Variants in CABLES1 observed in about 807,000 individuals in gnomAD.
CABLES1 encodes the protein Cdk5 and Abl enzyme substrate 1, also known as CDK5 and ABL1 enzyme substrate 1.
CABLES1 carries 36 observed loss-of-function variants against 57.8 expected under a neutral mutation model. The ratio of observed to expected loss-of-function variants is 0.62; its 90% CI spans 0.48 to 0.82. The LOEUF is 0.82. CABLES1 is among the 40% of genes least tolerant of loss of function. The pLI is 0.00. For synonymous variants in CABLES1, 374 were observed against 363.0 expected, an observed-to-expected ratio of 1.03 and a Z score of -0.35; for missense variants, 767 against 836.6, an observed-to-expected ratio of 0.92 and a Z score of 1.03.
chr18:23,187,049 CCT>C (rs1391485998), intron 1 of CABLES1, among the ~76,000 whole-genome samples: 1 of 152,178 alleles, frequency 6.6e-6, no homozygotes, highest in Non-Finnish European at 1.5e-5. Flanking sequence ...AGCTCTGTCC[CCT>C]GAGTTACGGG....
intron 3 of CABLES1, among the ~76,000 whole-genome samples, chr18:23,196,490 G>A (rs527256715): frequency 7.7e-4 from 118 of 152,312 alleles, no homozygotes; most frequent in Middle Eastern, 3.4e-3. Flanking sequence ...AAGAAAATAC[G>A]ATTTCTGAGG....
At chr18:23,147,737 A>G (rs1335767623) in intron 1 of CABLES1, among the ~76,000 whole-genome samples, 1 of 152,184 alleles carries the variant, frequency 6.6e-6, no homozygotes, top group East Asian at 1.9e-4. Context: ...GGTAGGGGGA[A>G]TTCACATGTT....
At chr18:23,250,855 G>A (rs906698592) in intron 7 of CABLES1, among the ~76,000 whole-genome samples, 3 of 152,262 alleles carry the variant, frequency 2.0e-5, no homozygotes, top group Non-Finnish European at 4.4e-5. Flanking sequence ...AATTGTTGGA[G>A]TTAATATTGC....
At chr18:23,248,786 T>C (rs377331121) in intron 7 of CABLES1, among the ~76,000 whole-genome samples, 19 of 152,170 alleles carry the variant, frequency 1.2e-4, no homozygotes, top group African/African-American at 4.6e-4. Flanking sequence ...GATCACACCA[T>C]TGCACTCCAG....
At position 23,135,853 on chromosome 18, in the gene CABLES1, C is replaced by A. The variant is rs914104400; in HGVS notation, c.91C>A (p.Pro31Thr). The change falls in exon 1 of 10, where the codon CCG (proline) becomes ACG (threonine). Residue 31 changes from proline (P) to threonine (T), a missense_variant. Physicochemically the swap from Pro to Thr is conservative, Grantham distance 38. Coordinates refer to ENST00000256925, the MANE Select transcript of CABLES1 (RefSeq NM_001100619.3). ...DAAGASGLQQ[P>T]PPQPQPQPAA... ...CGCGGGCGCCAGCGGATTGCAGCAGCCGCCGCCGCAGCCCCAGCCTCAGCC... is the reference window on the plus strand; with the variant it reads ...CGCGGGCGCCAGCGGATTGCAGCAGACGCCGCCGCAGCCCCAGCCTCAGCC... 69 of 988,992 alleles carry A rather than the reference C, an allele frequency of 7.0e-5. No individual in the cohort carries two copies. Among genetic ancestry groups the A allele is most frequent in the Non-Finnish European group, 8.2e-5 (68 of 829,622 alleles). The allele number at this position is 988,992 out of a possible 1,614,324, so 61.3% of individuals were successfully genotyped here.
intron 3 of CABLES1, chr18:23,197,609 A>AT (rs1009334928): frequency 2.0e-5 from 3 of 152,234 alleles, no homozygotes; most frequent in Admixed American, 1.3e-4. Context: ...AGCGGAGGGA[A>AT]TGTCAGTACC....
At chr18:23,199,817 T>G (rs976316049) in intron 3 of CABLES1, among the ~76,000 whole-genome samples, 2 of 152,210 alleles carry the variant, frequency 1.3e-5, no homozygotes, top group Non-Finnish European at 2.9e-5. Context: ...GCACACTGAT[T>G]AGATGGCATT....
intron 1 of CABLES1, among the ~76,000 whole-genome samples, chr18:23,149,387 C>T (rs2046912544): frequency 6.6e-6 from 1 of 152,064 alleles, no homozygotes; most frequent in South Asian, 2.1e-4. Flanking sequence ...GCTTGAGCCA[C>T]CTTCCCACCT....
At chr18:23,182,123 C>T (rs1042732502) in intron 1 of CABLES1, among the ~76,000 whole-genome samples, 1 of 152,192 alleles carries the variant, frequency 6.6e-6, no homozygotes, top group Non-Finnish European at 1.5e-5. Context: ...TTACCCAAGT[C>T]GTTTTCTGCT....
intron 3 of CABLES1, among the ~76,000 whole-genome samples, chr18:23,209,726 C>T (rs1047967460): frequency 3.3e-5 from 5 of 152,160 alleles, no homozygotes; most frequent in African/African-American, 9.7e-5. Flanking sequence ...AACAGAGACT[C>T]CCCAGGTGGC....
intron 7 of CABLES1, among the ~76,000 whole-genome samples, chr18:23,242,835 C>T (rs1261212177): frequency 1.3e-5 from 2 of 152,070 alleles, no homozygotes; most frequent in Non-Finnish European, 2.9e-5. Flanking sequence ...AGAAAGCCCT[C>T]CCTCTACCCC....
intron 3 of CABLES1, among the ~76,000 whole-genome samples, chr18:23,208,775 G>A (rs879467089): frequency 6.0e-4 from 92 of 152,324 alleles, no homozygotes; most frequent in African/African-American, 2.0e-3. Context: ...GACTGGAAGC[G>A]CGGGGGCCAT....
chr18:23,223,605 C>T (rs918999118), intron 4 of CABLES1, among the ~76,000 whole-genome samples: 2 of 146,602 alleles, frequency 1.4e-5, no homozygotes, highest in African/African-American at 5.0e-5. Context: ...AAAAAGTTGG[C>T]GGGGGGGCAT....
intron 7 of CABLES1, among the ~76,000 whole-genome samples, chr18:23,248,280 C>T (rs987969425): frequency 6.6e-5 from 10 of 152,210 alleles, no homozygotes; most frequent in African/African-American, 2.2e-4. Context: ...TCCCCGCCTT[C>T]ACCGAGCCAG....
intron 1 of CABLES1, among the ~76,000 whole-genome samples, chr18:23,152,116 C>A (rs1018603442): frequency 5.3e-5 from 8 of 152,056 alleles, no homozygotes; most frequent in African/African-American, 1.9e-4. Context: ...AAAATGCTAC[C>A]AAGCTAGGCA....
chr18:23,250,674 T>TC (rs1246417357), intron 7 of CABLES1, among the ~76,000 whole-genome samples: 1 of 152,180 alleles, frequency 6.6e-6, no homozygotes, highest in East Asian at 1.9e-4. Context: ...CCTTTCCTGG[T>TC]CCTTGCAGGG....
intron 4 of CABLES1, among the ~76,000 whole-genome samples, chr18:23,227,447 C>T (rs192224178): frequency 2.6e-5 from 4 of 152,214 alleles, no homozygotes; most frequent in Non-Finnish European, 5.9e-5. Context: ...GTTAAGACCC[C>T]TTCATTGTCT....
Position 23,136,231 on chromosome 18 carries a change from G to A in CABLES1, c.469G>A (p.Val157Met). ...CTTGATTCCTGGCGGCCATGCGACCGTGTCCGGCCCCGGGGTGGCGCGGGG... is the reference window on the plus strand; with the variant it reads ...CTTGATTCCTGGCGGCCATGCGACCATGTCCGGCCCCGGGGTGGCGCGGGG... ...PPLIPGGHAT[V>M]SGPGVARGFA... The change falls in exon 1 of 10, where the codon GTG (valine) becomes ATG (methionine). Residue 157 changes from valine to methionine, a missense_variant. Transcript: ENST00000256925. 1.6e-6 allele frequency: 2 copies of A among 1,276,530 alleles called. No individual in the cohort carries two copies. The highest frequency in any genetic ancestry group is 2.8e-5 in the South Asian group (1 of 35,392). The allele number at this position is 1,276,530 out of a possible 1,614,324, so 79.1% of individuals were successfully genotyped here. A position where few individuals can be genotyped will look rare whatever the true frequency, so the allele number is the denominator to read the frequency against.
At chr18:23,179,875 A>G (rs1352339470) in intron 1 of CABLES1, among the ~76,000 whole-genome samples, 1 of 152,148 alleles carries the variant, frequency 6.6e-6, no homozygotes, top group African/African-American at 2.4e-5. Flanking sequence ...ATCTGTGAAC[A>G]CGTGTACTAG....
Sources: gnomAD v4.1 joint callset for allele counts (sites outside exome capture counted in the v4.1 genomes callset) on GRCh38, gnomAD v4.1.1 for gene constraint, MANE v1.5 for transcripts, NCBI Gene and HGNC (gene_info 2026-07-23, HGNC 2026-07-21) for gene names.